Variants in PSD4 observed in about 807,000 individuals in gnomAD.
PSD4 encodes the protein PH and SEC7 domain-containing protein 4.
A neutral mutation model predicts 112.5 loss-of-function variants in PSD4; 59 were observed. The ratio of observed to expected loss-of-function variants is 0.52; its 90% CI spans 0.43 to 0.65. PSD4 has a LOEUF of 0.65. PSD4 is among the 30% of genes least tolerant of loss of function. The pLI is 0.00. For synonymous variants in PSD4, 533 were observed against 540.0 expected (o/e 0.99, Z 0.18); for missense variants, 1,267 against 1,352.6 (o/e 0.94, Z 0.99).
chr2:113,207,192 T>G lies in PSD4; in HGVS notation c.*5777T>G, dbSNP rs977565472. The G allele has an allele frequency of 6.6e-6, 1 of 152,182 alleles. No homozygotes were observed. Among genetic ancestry groups the G allele is most frequent in the Non-Finnish European group, 1.5e-5 (1 of 68,050 alleles). 9.4% of individuals were successfully genotyped at this position (152,182 alleles called of 1,614,324 possible). On this transcript the variant is annotated 3_prime_UTR_variant, in exon 17 of 17. Transcript: ENST00000245796. ...CTGCCTTGGGCCGTGTGCCCATATC[T>G]GAGCCAGTCACTAGAGCCAGGGGTT... is the stretch of plus-strand genomic sequence containing the variant.
rs752549102 is a variant in PSD4, at chr2:113,201,138, G to A, written c.2914-20G>A. ...CTGGAGCCAGGATGGTGCTAAGGTG[G>A]TGGGGCCTGTGTGTTGCAGAAAACC... On this transcript the variant is annotated intron_variant, in intron 16 of 16. Transcript: ENST00000245796. 7.1e-5 allele frequency: 113 copies of A among 1,594,446 alleles called. No homozygotes were observed. The highest frequency in any genetic ancestry group is 9.2e-5 in the Non-Finnish European group (107 of 1,168,668).
At position 113,186,829 on chromosome 2, in the gene PSD4, A is replaced by G. The variant is rs77889994; in HGVS notation, c.1628+574A>G. Among the ~76,000 whole-genome samples the G allele has an allele frequency of 6.2e-4, 95 of 152,352 alleles. 1 individual carries two copies. The highest frequency in any genetic ancestry group is 2.3e-3 in the African/African-American group (94 of 41,590). ...TGTGACCAGAAGTAGGAATAGGCCA[A>G]CTGAGAAACCAACCTAGATGTCCAC... On this transcript the variant is annotated intron_variant, in intron 5 of 16. Transcript: ENST00000245796.
chr2:113,186,219 A>G lies in PSD4; in HGVS notation c.1592A>G (p.Asp531Gly). 6.2e-7 allele frequency: 1 copy of G among 1,604,000 alleles called. No individual in the cohort carries two copies. Among genetic ancestry groups the G allele is most frequent in the Middle Eastern group, 1.7e-4 (1 of 5,990 alleles). The change falls in exon 5 of 17, where the codon GAC becomes GGC. Residue 531 changes from aspartate to glycine, a missense_variant. Transcript: ENST00000245796. ...EGTARPAETG[D>G]VQPDIHLTSA... ...ACAGCCAGGCCTGCAGAGACTGGAG[A>G]CGTCCAGCCTGACATTCACCTGACT...
chr2:113,192,924 G>C (rs963297240), intron 6 of PSD4, 124 bp from the exon 7 acceptor site: 2 of 929,732 alleles, frequency 2.2e-6, no homozygotes, highest in African/African-American at 1.7e-5. Context: ...AAGGCCCAGC[G>C]TGCCTGCACC....
At chr2:113,180,002 T>C (rs1688085361) in intron 1 of PSD4, among the ~76,000 whole-genome samples, 1 of 152,168 alleles carries the variant, frequency 6.6e-6, no homozygotes, top group South Asian at 2.1e-4. Flanking sequence ...AGATTTCTTT[T>C]GGAGGCACTT....
Position 113,183,061 on chromosome 2 carries a change from A to C in PSD4, c.605A>C (p.His202Pro), listed in dbSNP as rs776162081. Reference sequence around the variant, plus strand: ...GACCTCCCCGGGGACACGGGCCTGCACTCCAGCCCACCTGAGAATGAAGAC... The same window carrying C: ...GACCTCCCCGGGGACACGGGCCTGCCCTCCAGCCCACCTGAGAATGAAGAC... ...PVDLPGDTGL[H>P]SSPPENEDSG... The change falls in exon 2 of 17, where the codon CAC becomes CCC. Residue 202 changes from histidine (H) to proline (P), a missense_variant. Physicochemically the swap from His to Pro is moderately conservative, Grantham distance 77. Transcript: ENST00000245796. 1.9e-6 allele frequency: 3 copies of C among 1,612,708 alleles called. No individual in the cohort carries two copies. Among genetic ancestry groups the C allele is most frequent in the Non-Finnish European group, 2.5e-6 (3 of 1,179,202 alleles).
rs751545950 is a variant in PSD4 at position 113,197,589 on chromosome 2, G to A, written c.2412G>A (p.Lys804=). The change falls in exon 13 of 17, where the codon AAG becomes AAA. Residue 804 remains lysine, a synonymous_variant. Coordinates refer to ENST00000245796, the MANE Select transcript of PSD4 (RefSeq NM_012455.3). ...CGCCATGGGGCAAGCGTGGCTGGAAGATGTTCCACACCTTACTGCGAGGGA... is the reference window on the plus strand; with the variant it reads ...CGCCATGGGGCAAGCGTGGCTGGAAAATGTTCCACACCTTACTGCGAGGGA... ...KKTPWGKRGW[K]MFHTLLRGMV... 4 of 1,614,214 alleles carry A rather than the reference G, an allele frequency of 2.5e-6. No homozygotes were observed. The highest frequency in any genetic ancestry group is 3.4e-6 in the Non-Finnish European group (4 of 1,180,024).
At position 113,197,770 on chromosome 2, in the gene PSD4, G is replaced by T. The variant is rs754482501; in HGVS notation, c.2481G>T (p.Glu827Asp). Reference protein sequence around the residue: ...FLKQGEDHCLEGESLVGQMVD... With the variant: ...FLKQGEDHCLDGESLVGQMVD... Reference sequence around the variant, plus strand: ...AGCAGGGAGAAGACCACTGTCTGGAGGGGGAGAGCTTGGTGGGGCAGATGG... The same window carrying T: ...AGCAGGGAGAAGACCACTGTCTGGATGGGGAGAGCTTGGTGGGGCAGATGG... The change falls in exon 14 of 17, where the codon GAG (glutamate) becomes GAT (aspartate). Residue 827 changes from glutamate (E) to aspartate (D), a missense_variant. Physicochemically the swap from Glu to Asp is conservative, Grantham distance 45 (BLOSUM62 2). Around this residue, in one of 2 missense-constraint regions of PSD4, gnomAD observed 544 missense variants for 648.6 expected, o/e 0.84. Coordinates refer to ENST00000245796, the MANE Select transcript of PSD4 (RefSeq NM_012455.3). 3.7e-6 allele frequency: 6 copies of T among 1,610,476 alleles called. No individual in the cohort carries two copies. The South Asian group carries it at 6.6e-5, about 18-fold the overall frequency.
chr2:113,191,726 G>A (rs1050472381), intron 5 of PSD4, among the ~76,000 whole-genome samples: 1 of 152,216 alleles, frequency 6.6e-6, no homozygotes, highest in Admixed American at 6.5e-5. Flanking sequence ...TGGATTGAGT[G>A]ACATCTGAGA....
In PSD4 at chr2:113,205,724, A is replaced by T. The variant is rs183696900; in HGVS notation, c.*4309A>T. 2.0e-5 allele frequency: 3 copies of T among 152,352 alleles called. No homozygotes were observed. Among genetic ancestry groups the T allele is most frequent in the Non-Finnish European group, 2.9e-5 (2 of 68,044 alleles). The allele number at this position is 152,352 out of a possible 1,614,324, so 9.4% of individuals were successfully genotyped here. ...ATGCACTGTACTATTTGTGTAACTTATATGTAAATCTGAAATTATTTCAAA... is the reference window on the plus strand; with the variant it reads ...ATGCACTGTACTATTTGTGTAACTTTTATGTAAATCTGAAATTATTTCAAA... On this transcript the variant is annotated 3_prime_UTR_variant, in exon 17 of 17. Coordinates refer to ENST00000245796, the MANE Select transcript of PSD4 (RefSeq NM_012455.3).
In PSD4 at chr2:113,182,982, A is replaced by G. The variant is rs1299842037; in HGVS notation, c.526A>G (p.Lys176Glu). 55 of 1,613,966 alleles carry G rather than the reference A, an allele frequency of 3.4e-5. No individual in the cohort carries two copies. Among genetic ancestry groups the G allele is most frequent in the Non-Finnish European group, 4.6e-5 (54 of 1,180,014 alleles). The change falls in exon 2 of 17, where the codon AAG (lysine) becomes GAG (glutamate). Residue 176 changes from lysine (K) to glutamate (E), a missense_variant. Coordinates refer to ENST00000245796, the MANE Select transcript of PSD4 (RefSeq NM_012455.3). ...CVLDLEEELEKTEGLKAGLKC... is the reference protein window; with the variant it reads ...CVLDLEEELEETEGLKAGLKC... ...CCTAGACCTGGAGGAGGAGCTGGAG[A>G]AGACGGAAGGGCTCAAGGCTGGGCT...
At chr2:113,192,741 T>G in intron 6 of PSD4, 152 bp downstream of exon 6, 1 of 817,332 alleles carries the variant, frequency 1.2e-6, no homozygotes, top group Non-Finnish European at 1.9e-6. Context: ...ACCCTCACTG[T>G]ATCTGCTGCT....
chr2:113,185,265 T>C, intron 3 of PSD4, 100 bp from the exon 4 acceptor site: 1 of 1,556,594 alleles, frequency 6.4e-7, no homozygotes, highest in Non-Finnish European at 8.8e-7. Context: ...CATGGCATCC[T>C]TCCCCTCCCC....
chr2:113,183,297 C>T lies in PSD4; in HGVS notation c.841C>T (p.Pro281Ser), dbSNP rs777015368. The T allele has an allele frequency of 5.4e-5, 87 of 1,612,576 alleles. No individual in the cohort carries two copies. Among genetic ancestry groups the T allele is most frequent in the Non-Finnish European group, 7.0e-5 (83 of 1,179,128 alleles). The change falls in exon 2 of 17, where the codon CCT becomes TCT. Residue 281 changes from proline to serine, a missense_variant. This residue lies in a region of PSD4 where 723 missense variants were observed against 704.0 expected (regional missense o/e 1.03). Coordinates refer to ENST00000245796, the MANE Select transcript of PSD4 (RefSeq NM_012455.3). ...SDSHAGVRTG[P>S]ESPATLEPPL... ...CTCCCATGCAGGTGTGAGGACTGGA[C>T]CTGAGAGCCCAGCGACTCTGGAGCC... is the stretch of plus-strand genomic sequence containing the variant.
At chr2:113,175,812 T>C (rs1687959269) in intron 1 of PSD4, among the ~76,000 whole-genome samples, 1 of 152,194 alleles carries the variant, frequency 6.6e-6, no homozygotes, top group African/African-American at 2.4e-5. Context: ...TTGGCTTCTC[T>C]AAATGGACAG....
chr2:113,185,984 A>C lies in PSD4; in HGVS notation c.1357A>C (p.Ser453Arg). ...SPEPSSPESE[S>R]RGPGPRPSPA... ...AGAGCCTAGCAGCCCAGAATCTGAGAGCAGAGGCCCTGGTCCCAGGCCCAG... is the reference window on the plus strand; with the variant it reads ...AGAGCCTAGCAGCCCAGAATCTGAGCGCAGAGGCCCTGGTCCCAGGCCCAG... Residue 453 changes from serine (S) to arginine (R), a missense_variant, in exon 5 of 17, where the codon AGC (serine) becomes CGC (arginine). This residue lies in a region of PSD4 where 723 missense variants were observed against 704.0 expected (regional missense o/e 1.03). Coordinates refer to ENST00000245796, the MANE Select transcript of PSD4 (RefSeq NM_012455.3). 1 of 1,614,112 alleles carries C rather than the reference A, an allele frequency of 6.2e-7. No individual in the cohort carries two copies. Among genetic ancestry groups the C allele is most frequent in the Non-Finnish European group, 8.5e-7 (1 of 1,179,960 alleles).
rs907917126 is a variant in PSD4 at position 113,185,750 on chromosome 2, G to A, written c.1250-127G>A. On this transcript the variant is annotated intron_variant, in intron 4 of 16. Transcript: ENST00000245796. The stretch of plus-strand genomic sequence containing the variant: ...CTGCAAGTGGGAGAGGTCACTGCCC[G>A]AGGGAGGACAGGGCATGCTGCCAGG... The A allele has an allele frequency of 1.7e-5, 26 of 1,549,898 alleles. No homozygotes were observed. In the Admixed American group the frequency reaches 3.1e-4, roughly 19 times the overall value.
intron 5 of PSD4, among the ~76,000 whole-genome samples, chr2:113,188,563 T>C (rs1198244517): frequency 2.6e-5 from 4 of 151,912 alleles, no homozygotes; most frequent in African/African-American, 9.7e-5. Context: ...TGACCTCACT[T>C]TATTATTTTA....
At chr2:113,194,749 C>T (rs1437655355) in intron 10 of PSD4, among the ~76,000 whole-genome samples, 2 of 152,328 alleles carry the variant, frequency 1.3e-5, no homozygotes, top group African/African-American at 2.4e-5. Context: ...ACAATAAACA[C>T]ATGATAGAAA....
Sources: allele counts gnomAD v4.1 joint callset (sites outside exome capture counted in the v4.1 genomes callset), GRCh38; gene constraint gnomAD v4.1.1; regional missense constraint gnomAD v4.1.1; transcripts MANE v1.5; gene names NCBI Gene and HGNC (gene_info 2026-07-23, HGNC 2026-07-21).